METTL15: variants seen among roughly 807,000 people sequenced by gnomAD.
The protein encoded by METTL15 is 12S rRNA N(4)-cytidine methyltransferase METTL15.
Under a neutral mutation model 38.3 loss-of-function variants are expected in METTL15, and 34 were observed. That is an observed-to-expected ratio of 0.89 (90% CI 0.68 to 1.18). The LOEUF (loss-of-function observed/expected upper bound fraction) is 1.18. Among genes scored for constraint, METTL15 ranks in the 50% most tolerant of loss-of-function variants. METTL15 has a pLI of 0.00. For synonymous variants in METTL15, 162 were observed against 170.9 expected (o/e 0.95, Z 0.41); for missense variants, 438 against 498.4 (o/e 0.88, Z 1.15).
intron 6 of METTL15, among the ~76,000 whole-genome samples, chr11:28,472,671 A>C (rs771803585): frequency 6.6e-6 from 1 of 152,200 alleles, no homozygotes; most frequent in Non-Finnish European, 1.5e-5. Flanking sequence ...CTAGCTGGGG[A>C]AATAAACTCA....
At chr11:28,338,939 G>T (rs185511159) in intron 3 of METTL15, among the ~76,000 whole-genome samples, 15 of 152,200 alleles carry the variant, frequency 9.9e-5, no homozygotes, top group African/African-American at 3.6e-4. Context: ...AGGAAAAAAC[G>T]TAGAGGTTAG....
At chr11:28,528,439 A>T (rs532977500), downstream of METTL15, among the ~76,000 whole-genome samples, 1 of 152,218 alleles carries the variant, frequency 6.6e-6, no homozygotes. Flanking sequence ...CTCCTTTCAT[A>T]TAACATTGCT....
chr11:28,398,463 G>A (rs989892428), intron 5 of METTL15, among the ~76,000 whole-genome samples: 1 of 151,964 alleles, frequency 6.6e-6, no homozygotes, highest in African/African-American at 2.4e-5. Flanking sequence ...TATGCTGGCC[G>A]CATAGATGTC....
chr11:28,238,077 A>G (rs1356706248), intron 4 of METTL15, among the ~76,000 whole-genome samples: 4 of 152,188 alleles, frequency 2.6e-5, no homozygotes, highest in African/African-American at 9.7e-5. Context: ...TTGAGGAGGC[A>G]GTCTGCCCGT....
At chr11:28,371,763 T>C (rs966591052) in intron 5 of METTL15, among the ~76,000 whole-genome samples, 4 of 152,006 alleles carry the variant, frequency 2.6e-5, no homozygotes, top group Non-Finnish European at 5.9e-5. Context: ...CCATTGTACA[T>C]GGGTTTGCTT....
chr11:28,338,470 T>C (rs1294256784), downstream of METTL15, among the ~76,000 whole-genome samples: 1 of 152,142 alleles, frequency 6.6e-6, no homozygotes, highest in African/African-American at 2.4e-5. Context: ...TTTTTTCCAT[T>C]GCGTCCTCCA....
chr11:28,281,719 G>T (rs956216475), intron 4 of METTL15, among the ~76,000 whole-genome samples: 8 of 152,126 alleles, frequency 5.3e-5, no homozygotes, highest in Non-Finnish European at 8.8e-5. Flanking sequence ...CTAGAAAAGT[G>T]CCTGACATTT....
chr11:28,316,020 A>G (rs1007784341), intron 6 of METTL15, among the ~76,000 whole-genome samples: 1 of 152,202 alleles, frequency 6.6e-6, no homozygotes, highest in African/African-American at 2.4e-5. Context: ...GTGGCAGAGA[A>G]ATGTGGGACC....
At chr11:28,381,279 A>G (rs1183637619) in intron 5 of METTL15, among the ~76,000 whole-genome samples, 1 of 152,120 alleles carries the variant, frequency 6.6e-6, no homozygotes, top group Non-Finnish European at 1.5e-5. Context: ...GGTTACAAAT[A>G]TAAGCCACTG....
At chr11:28,483,114 C>A (rs1030037878) in intron 6 of METTL15, among the ~76,000 whole-genome samples, 5 of 152,062 alleles carry the variant, frequency 3.3e-5, no homozygotes, top group African/African-American at 1.2e-4. Flanking sequence ...ATAGGAATTT[C>A]TTTGCTTGAT....
At chr11:28,336,026 T>TA (rs5790685), downstream of METTL15, among the ~76,000 whole-genome samples, 22,274 of 152,178 alleles carry the variant, frequency 0.15, 1,830 homozygotes, top group East Asian at 0.28. Context: ...AAATCTAACT[T>TA]ACATTTCTGG....
intron 6 of METTL15, among the ~76,000 whole-genome samples, chr11:28,318,816 G>A (rs1849360391): frequency 6.6e-6 from 1 of 152,150 alleles, no homozygotes; most frequent in African/African-American, 2.4e-5. Context: ...CATTGGATGA[G>A]TCTAGATTCT....
chr11:28,313,169 C>G (rs1156496345), intron 6 of METTL15, among the ~76,000 whole-genome samples: 1 of 152,012 alleles, frequency 6.6e-6, no homozygotes, highest in African/African-American at 2.4e-5. Flanking sequence ...CTAAGCCTCT[C>G]TAAAATAGGA....
intron 3 of METTL15, among the ~76,000 whole-genome samples, chr11:28,114,878 C>G (rs895350295): frequency 6.6e-6 from 1 of 152,082 alleles, no homozygotes; most frequent in Non-Finnish European, 1.5e-5. Context: ...TTGGTTTTGT[C>G]AAATTACAGT....
intron 4 of METTL15, among the ~76,000 whole-genome samples, chr11:28,271,886 C>T (rs1247818455): frequency 6.6e-6 from 1 of 151,978 alleles, no homozygotes; most frequent in Non-Finnish European, 1.5e-5. Flanking sequence ...AAAAACAACA[C>T]CGTCAAAAAG....
intron 3 of METTL15, among the ~76,000 whole-genome samples, chr11:28,171,250 T>C (rs1013496951): frequency 1.3e-5 from 2 of 152,168 alleles, no homozygotes; most frequent in Non-Finnish European, 2.9e-5. Context: ...TGAAGTGTCA[T>C]GCGGAGAACA....
chr11:28,298,239 A>T (rs1475164031), intron 6 of METTL15, among the ~76,000 whole-genome samples: 1 of 152,048 alleles, frequency 6.6e-6, no homozygotes, highest in Non-Finnish European at 1.5e-5. Flanking sequence ...ACTCACTAAC[A>T]TGTCTCCACC....
chr11:28,329,428 G>A (rs1434047294), intron 6 of METTL15, among the ~76,000 whole-genome samples: 1 of 151,962 alleles, frequency 6.6e-6, no homozygotes, highest in Non-Finnish European at 1.5e-5. Flanking sequence ...TATTTGGGCT[G>A]TTCTAGGTGC....
intron 3 of METTL15, among the ~76,000 whole-genome samples, chr11:28,210,196 C>T (rs1294699934): frequency 6.6e-6 from 1 of 151,930 alleles, no homozygotes; most frequent in African/African-American, 2.4e-5. Context: ...TACTGTATAT[C>T]TGGAATGAGC....
Sources: allele counts gnomAD v4.1 joint callset (sites outside exome capture counted in the v4.1 genomes callset), GRCh38; gene constraint gnomAD v4.1.1; transcripts MANE v1.5; gene names NCBI Gene and HGNC (gene_info 2026-07-23, HGNC 2026-07-21).